The following SH3BP1 variants were observed in gnomAD, a reference collection of about 807,000 sequenced individuals.
SH3BP1 encodes SH3 domain-binding protein 1.
A neutral mutation model predicts 69.8 loss-of-function variants in SH3BP1; 46 were observed. The observed-to-expected ratio is 0.66, with a 90% CI of 0.52 to 0.84. SH3BP1 has a LOEUF of 0.84. SH3BP1 is among the 40% of genes least tolerant of loss of function. SH3BP1 has a pLI of 0.00. For missense variants in SH3BP1, 868 were observed against 930.9 expected (o/e 0.93, Z 0.88); for synonymous variants, 403 against 378.0 (o/e 1.07, Z -0.77).
In SH3BP1 at chr22:37,643,629, T is replaced by G. The variant is rs772869573; in HGVS notation, c.474-15T>G. 1 of 1,614,086 alleles carries G rather than the reference T, an allele frequency of 6.2e-7. No individual in the cohort carries two copies. Among genetic ancestry groups the G allele is most frequent in the South Asian group, 1.1e-5 (1 of 91,074 alleles). On this transcript the variant is annotated splice_polypyrimidine_tract_variant and intron_variant, in intron 6 of 17. Transcript: ENST00000649765. ...AACAGGGCAGGTGACCAGCTCACCT[T>G]GGGATCATCTCCAGGCTCAGTCAGG...
At position 37,655,943 on chromosome 22, in the gene SH3BP1, G is replaced by A. The variant is rs763020111; in HGVS notation, c.*259G>A. On this transcript the variant is annotated 3_prime_UTR_variant, in exon 18 of 18. Transcript: ENST00000649765. ...TCCGGCAGGTCCTAGGGGAGCCACC[G>A]GAAGGAAGGAGAGGTTTGCCTGCTC... 145 of 1,562,568 alleles carry A rather than the reference G, an allele frequency of 9.3e-5. No homozygotes were observed. The highest frequency in any genetic ancestry group is 1.1e-4 in the Non-Finnish European group (122 of 1,158,130).
intron 8 of SH3BP1, 67 bp downstream of exon 8, chr22:37,644,772 G>A (rs1345668876): frequency 6.2e-7 from 1 of 1,604,022 alleles, no homozygotes; most frequent in Non-Finnish European, 8.5e-7. Flanking sequence ...AGGGGCCACT[G>A]GGGCTCTAAG....
At chr22:37,642,323 C>T in intron 3 of SH3BP1, 1 of 562,762 alleles carries the variant, frequency 1.8e-6, no homozygotes, top group South Asian at 2.0e-5. Flanking sequence ...CAAGTGGCTT[C>T]TGGGAAGAGG....
At position 37,655,323 on chromosome 22, in the gene SH3BP1, G is replaced by A; in HGVS notation, c.1745G>A (p.Gly582Asp). 3 of 1,494,740 alleles carry A rather than the reference G, an allele frequency of 2.0e-6. No individual in the cohort carries two copies. The highest frequency in any genetic ancestry group is 2.6e-5 in the East Asian group (1 of 38,210). 92.6% of individuals were successfully genotyped at this position (1,494,740 alleles called of 1,614,324 possible). A position where few individuals can be genotyped will look rare whatever the true frequency, so the allele number is the denominator to read the frequency against. ...RPTMPPPQVS[G>D]SRSSPPAPPL... ...ACCATGCCGCCCCCCCAGGTCTCCG[G>A]CTCCCGCTCCTCCCCTCCAGCCCCG... The change falls in exon 18 of 18, where the codon GGC (glycine) becomes GAC (aspartate). Residue 582 changes from glycine to aspartate, a missense_variant. Gly to Asp is a moderately conservative substitution (Grantham distance 94). Around this residue, in one of 3 missense-constraint regions of SH3BP1, gnomAD observed 474 missense variants for 462.3 expected, o/e 1.03. Transcript: ENST00000649765.
rs747739013 is a variant in SH3BP1, at chr22:37,650,673, G to T, written c.1546G>T (p.Ala516Ser). 1.9e-6 allele frequency: 3 copies of T among 1,613,278 alleles called. No homozygotes were observed. Among genetic ancestry groups the T allele is most frequent in the East Asian group, 2.2e-5 (1 of 44,884 alleles). The part of the protein sequence containing the change: ...TPATTPAPAP[A>S]PAPAPAPALA... Reference sequence around the variant, plus strand: ...AGCCACCACCCCGGCTCCGGCTCCGGCTCCAGCTCCAGCTCCGGCCCCAGC... The same window carrying T: ...AGCCACCACCCCGGCTCCGGCTCCGTCTCCAGCTCCAGCTCCGGCCCCAGC... Residue 516 changes from alanine to serine, a missense_variant, in exon 16 of 18, where the codon GCT becomes TCT. Ala to Ser is a moderately conservative substitution (Grantham distance 99). Transcript: ENST00000649765.
chr22:37,650,587 A>G lies in SH3BP1; in HGVS notation c.1460A>G (p.Gln487Arg). 2 of 1,614,024 alleles carry G rather than the reference A, an allele frequency of 1.2e-6. No homozygotes were observed. The highest frequency in any genetic ancestry group is 1.7e-6 in the Non-Finnish European group (2 of 1,179,998). ...GGCCTCTTCTCAGCTGTTACCCTCC[A>G]GGACACAGTCAGTGACAGGCTGGCC... ...VSGLFSAVTL[Q>R]DTVSDRLASE... The change falls in exon 16 of 18, where the codon CAG becomes CGG. Residue 487 changes from glutamine to arginine, a missense_variant. This residue lies in a region of SH3BP1 where 474 missense variants were observed against 462.3 expected (regional missense o/e 1.03). Transcript: ENST00000649765.
At position 37,655,800 on chromosome 22, in the gene SH3BP1, G is replaced by A. The variant is rs577457769; in HGVS notation, c.*116G>A. The A allele has an allele frequency of 2.3e-5, 34 of 1,450,074 alleles. No homozygotes were observed. The South Asian group carries it at 4.4e-4, about 19-fold the overall frequency. 89.8% of individuals were successfully genotyped at this position (1,450,074 alleles called of 1,614,324 possible). ...GGGCCTCCAGCCTTTGCCCACAAGT[G>A]CCTCAGTGCCCACTGGGTCGGCCCC... On this transcript the variant is annotated 3_prime_UTR_variant, in exon 18 of 18. Coordinates refer to ENST00000649765, the MANE Select transcript of SH3BP1 (RefSeq NM_018957.6).
At position 37,642,554 on chromosome 22, in the gene SH3BP1, A is replaced by G. The variant is rs1360093674; in HGVS notation, c.223A>G (p.Met75Val). 2 of 1,613,098 alleles carry G rather than the reference A, an allele frequency of 1.2e-6. No individual in the cohort carries two copies. Reference protein sequence around the residue: ...MDKRVKKLPLMALSTTMAESF... With the variant: ...MDKRVKKLPLVALSTTMAESF... ...CTCCCTGCAGAAGAAGCTTCCCCTC[A>G]TGGCTCTGTCCACCACGATGGCTGA... The change falls in exon 4 of 18, where the codon ATG (methionine) becomes GTG (valine). Residue 75 changes from methionine (M) to valine (V), a missense_variant. By Grantham distance (21) the Met-to-Val change is conservative. Transcript: ENST00000649765.
Position 37,650,260 on chromosome 22 carries a change from T to C in SH3BP1, c.1414+11T>C, listed in dbSNP as rs1932852915. The C allele has an allele frequency of 2.5e-6, 4 of 1,596,044 alleles. No homozygotes were observed. The highest frequency in any genetic ancestry group is 4.5e-5 in the East Asian group (2 of 43,990). On this transcript the variant is annotated intron_variant, in intron 15 of 17. Transcript: ENST00000649765. ...CCCTCTTCCCTGGAGGTGAAGCTCC[T>C]GCCTGCATGGACGCCCTGCTGGGTG...
At chr22:37,647,132 CA>C in intron 11 of SH3BP1, 134 bp from the exon 12 acceptor site, 1 of 868,718 alleles carries the variant, frequency 1.2e-6, no homozygotes, top group Non-Finnish European at 1.8e-6. Context: ...TTCATTTTCT[CA>C]AAAGGGCCTA....
chr22:37,650,852 C>A (rs1013490650), intron 16 of SH3BP1, 127 bp downstream of exon 16: 2 of 1,266,598 alleles, frequency 1.6e-6, no homozygotes, highest in Non-Finnish European at 2.1e-6. Context: ...TCCCAAAGAC[C>A]GGATCTCCTA....
At chr22:37,645,220 C>A in intron 9 of SH3BP1, 145 bp from the exon 10 acceptor site, 1 of 1,151,014 alleles carries the variant, frequency 8.7e-7, no homozygotes, top group Non-Finnish European at 1.2e-6. Flanking sequence ...CGGGCTGATT[C>A]GAGAGATGTG....
chr22:37,648,569 G>A, intron 14 of SH3BP1, 134 bp downstream of exon 14: 1 of 673,056 alleles, frequency 1.5e-6, no homozygotes, highest in East Asian at 2.7e-5. Context: ...TTTTGAGGCT[G>A]CCGTGAGGAA....
intron 16 of SH3BP1, among the ~76,000 whole-genome samples, chr22:37,652,150 A>G (rs1932892516): frequency 6.6e-6 from 1 of 151,984 alleles, no homozygotes; most frequent in Non-Finnish European, 1.5e-5. Context: ...CTCTACTAAA[A>G]ATACAAAAAA....
chr22:37,651,503 TATTTTCAGTAGAGAC>T (rs1932878617), intron 16 of SH3BP1, among the ~76,000 whole-genome samples: 1 of 151,718 alleles, frequency 6.6e-6, no homozygotes, highest in South Asian at 2.1e-4. Context: ...CTAATTTTTG[TATTTTCAGTAGAGAC>T]AGGGTTACCC....
intron 16 of SH3BP1, among the ~76,000 whole-genome samples, chr22:37,653,513 C>G (rs911112232): frequency 3.9e-5 from 6 of 152,180 alleles, no homozygotes; most frequent in African/African-American, 7.2e-5. Flanking sequence ...CTGGCCCTAC[C>G]TACCAGGCAG....
intron 16 of SH3BP1, among the ~76,000 whole-genome samples, chr22:37,651,158 C>T (rs368212944): frequency 2.6e-5 from 4 of 152,018 alleles, no homozygotes; most frequent in South Asian, 2.1e-4. Context: ...CTCAGCCTCC[C>T]GAGTAACTGG....
chr22:37,642,976 C>A lies in SH3BP1; in HGVS notation c.366C>A (p.Asp122Glu). The A allele has an allele frequency of 1.2e-6, 2 of 1,612,878 alleles. No homozygotes were observed. Among genetic ancestry groups the A allele is most frequent in the Non-Finnish European group, 1.7e-6 (2 of 1,179,922 alleles). Residue 122 changes from aspartate (D) to glutamate (E), a missense_variant, in exon 5 of 18, where the codon GAC becomes GAA. Asp to Glu is a conservative substitution (Grantham distance 45, BLOSUM62 2). Around this residue, in one of 3 missense-constraint regions of SH3BP1, gnomAD observed 387 missense variants for 447.9 expected, o/e 0.86. Transcript: ENST00000649765. Reference protein sequence around the residue: ...LAEFEMTLERDVLQPLSRLSE... With the variant: ...LAEFEMTLEREVLQPLSRLSE... ...AGTTTGAGATGACCCTGGAGAGGGA[C>A]GTCCTGCAGCCACTCAGCAGGCTGA...
At position 37,643,624 on chromosome 22, in the gene SH3BP1, C is replaced by A. The variant is rs779899546; in HGVS notation, c.474-20C>A. 1 of 1,614,064 alleles carries A rather than the reference C, an allele frequency of 6.2e-7. No homozygotes were observed. The highest frequency in any genetic ancestry group is 2.2e-5 in the East Asian group (1 of 44,884). ...CATGCAACAGGGCAGGTGACCAGCT[C>A]ACCTTGGGATCATCTCCAGGCTCAG... On this transcript the variant is annotated intron_variant, in intron 6 of 17. Coordinates refer to ENST00000649765, the MANE Select transcript of SH3BP1 (RefSeq NM_018957.6).
Sources: gnomAD v4.1 joint callset for allele counts (sites outside exome capture counted in the v4.1 genomes callset) on GRCh38, gnomAD v4.1.1 for gene constraint, gnomAD v4.1.1 regional missense constraint, MANE v1.5 for transcripts, NCBI Gene and HGNC (gene_info 2026-07-23, HGNC 2026-07-21) for gene names.